Variants in AFG2A observed in about 807,000 individuals in gnomAD.
AFG2A encodes ATPase family gene 2 protein homolog A.
the AFG2A span, among the ~76,000 whole-genome samples, chr4:123,007,752 C>T: frequency 6.6e-6 from 1 of 151,370 alleles, no homozygotes. Context: ...CAAACTGTAG[C>T]CACTTTGACT....
chr4:123,072,918 G>C, the AFG2A span, among the ~76,000 whole-genome samples: 3 of 152,182 alleles, frequency 2.0e-5, no homozygotes, highest in Admixed American at 2.0e-4. Context: ...GATATGTAAT[G>C]TTTGTGTTCA....
At chr4:122,981,367 A>G in the AFG2A span, among the ~76,000 whole-genome samples, 1 of 150,152 alleles carries the variant, frequency 6.7e-6, no homozygotes, top group Non-Finnish European at 1.5e-5. Context: ...CTATTGTTTC[A>G]TTTATTTATA....
chr4:123,264,659 T>C, the AFG2A span, among the ~76,000 whole-genome samples: 1 of 152,156 alleles, frequency 6.6e-6, no homozygotes, highest in Non-Finnish European at 1.5e-5. Context: ...CCTGTACCAC[T>C]CCCCTTTTCC....
the AFG2A span, among the ~76,000 whole-genome samples, chr4:123,223,709 G>A: frequency 2.5e-3 from 379 of 152,272 alleles, 4 homozygotes; most frequent in African/African-American, 8.8e-3. Context: ...CAACACTAGG[G>A]ATTATGATTT....
chr4:123,190,442 G>A, the AFG2A span, among the ~76,000 whole-genome samples: 2 of 152,232 alleles, frequency 1.3e-5, no homozygotes, highest in African/African-American at 4.8e-5. Context: ...TTTCATGGTT[G>A]TGGTGAGATT....
chr4:122,965,308 A>G, the AFG2A span, among the ~76,000 whole-genome samples: 249 of 152,360 alleles, frequency 1.6e-3, 1 homozygote, highest in Non-Finnish European at 2.8e-3. Flanking sequence ...TTTTATAAAC[A>G]TGGGGACAAG....
chr4:123,239,383 GATT>G, the AFG2A span, among the ~76,000 whole-genome samples: 1 of 152,132 alleles, frequency 6.6e-6, no homozygotes, highest in East Asian at 1.9e-4. Flanking sequence ...ATAATTCTCA[GATT>G]CACCAAGGTT....
At chr4:123,141,225 C>A in the AFG2A span, among the ~76,000 whole-genome samples, 2 of 152,134 alleles carry the variant, frequency 1.3e-5, no homozygotes, top group Admixed American at 6.5e-5. Flanking sequence ...AGGGGACTTG[C>A]TTGTTCTGGT....
At chr4:123,017,414 A>ATTTTTTTT in the AFG2A span, among the ~76,000 whole-genome samples, 1 of 74,718 alleles carries the variant, frequency 1.3e-5, no homozygotes, top group Non-Finnish European at 2.2e-5. Context: ...AGCATGGGAA[A>ATTTTTTTT]TTTTTTTTTT....
chr4:123,195,273 A>T, the AFG2A span, among the ~76,000 whole-genome samples: 1,869 of 152,336 alleles, frequency 0.012, 34 homozygotes, highest in African/African-American at 0.043. Flanking sequence ...GTTTACCTGG[A>T]TAAATAGAAT....
chr4:123,082,659 C>T, the AFG2A span, among the ~76,000 whole-genome samples: 18 of 151,566 alleles, frequency 1.2e-4, no homozygotes, highest in Admixed American at 7.2e-4. Flanking sequence ...GGATCTTTTG[C>T]CTCTCAGTAT....
chr4:123,123,665 C>T, the AFG2A span, among the ~76,000 whole-genome samples: 1 of 148,744 alleles, frequency 6.7e-6, no homozygotes, highest in African/African-American at 2.5e-5. Context: ...AGTCAGGAAA[C>T]GGCCGGGCGC....
the AFG2A span, among the ~76,000 whole-genome samples, chr4:123,228,964 C>A: frequency 1.3e-5 from 2 of 151,894 alleles, no homozygotes; most frequent in Admixed American, 1.3e-4. Context: ...GGAATGGAAT[C>A]ATGAACAATA....
chr4:123,115,903 T>C, the AFG2A span, among the ~76,000 whole-genome samples: 1 of 152,126 alleles, frequency 6.6e-6, no homozygotes, highest in African/African-American at 2.4e-5. Flanking sequence ...GGGGACATTT[T>C]TTAAAAAATT....
the AFG2A span, among the ~76,000 whole-genome samples, chr4:123,297,780 C>T: frequency 2.0e-5 from 3 of 151,888 alleles, no homozygotes; most frequent in East Asian, 1.9e-4. Flanking sequence ...CATTGCAGCA[C>T]GCTGAACACC....
At chr4:123,135,031 C>T in the AFG2A span, among the ~76,000 whole-genome samples, 2 of 152,070 alleles carry the variant, frequency 1.3e-5, no homozygotes, top group Non-Finnish European at 2.9e-5. Flanking sequence ...AAACCATAGT[C>T]AATAGTACAT....
the AFG2A span, among the ~76,000 whole-genome samples, chr4:122,956,574 A>AC: frequency 6.6e-6 from 1 of 152,116 alleles, no homozygotes; most frequent in South Asian, 2.1e-4. Flanking sequence ...CAGGTGTTGA[A>AC]CTGATCTATT....
the AFG2A span, among the ~76,000 whole-genome samples, chr4:123,141,171 C>A: frequency 4.6e-4 from 70 of 152,238 alleles, 1 homozygote; most frequent in African/African-American, 1.4e-3. Context: ...AAGTTTCTAG[C>A]AAAACAAAAA....
the AFG2A span, chr4:122,923,315 TC>T: frequency 6.2e-7 from 1 of 1,613,300 alleles, no homozygotes; most frequent in Non-Finnish European, 8.5e-7. Context: ...GGTAAAGAAT[TC>T]CGGGTGGGAG....
Sources: allele counts gnomAD v4.1 joint callset (sites outside exome capture counted in the v4.1 genomes callset), GRCh38; gene constraint gnomAD v4.1.1; transcripts MANE v1.5; gene names NCBI Gene and HGNC (gene_info 2026-07-23, HGNC 2026-07-21).